Variants in CDH2 observed in about 807,000 individuals in gnomAD.
CDH2 encodes the protein cadherin 2.
A neutral mutation model predicts 92.0 loss-of-function variants in CDH2; 17 were observed. The ratio of observed to expected loss-of-function variants is 0.18; its 90% CI spans 0.13 to 0.28. The LOEUF is 0.28. CDH2 is among the 10% of genes least tolerant of loss of function. The pLI is 1.00. For synonymous variants in CDH2, 419 were observed against 415.9 expected (o/e 1.01, Z -0.09); for missense variants, 862 against 1,133.1 (o/e 0.76, Z 3.44).
intron 6 of CDH2, among the ~76,000 whole-genome samples, chr18:27,937,663 AGCT>A (rs1174172359): frequency 1.3e-5 from 2 of 152,168 alleles, no homozygotes; most frequent in Non-Finnish European, 2.9e-5. Context: ...AAGGCCTGTG[AGCT>A]GCACAACACA....
intron 2 of CDH2, among the ~76,000 whole-genome samples, chr18:28,040,865 G>A (rs1443755244): frequency 1.3e-5 from 2 of 152,148 alleles, no homozygotes; most frequent in African/African-American, 2.4e-5. Flanking sequence ...TCACTGACTG[G>A]ATGTTTATGC....
intron 2 of CDH2, among the ~76,000 whole-genome samples, chr18:28,094,171 A>G (rs985154708): frequency 6.6e-6 from 1 of 152,204 alleles, no homozygotes; most frequent in Non-Finnish European, 1.5e-5. Flanking sequence ...GAGTTCCTCA[A>G]CTATAAAAAT....
intron 2 of CDH2, among the ~76,000 whole-genome samples, chr18:28,083,941 C>G (rs1352641490): frequency 6.6e-6 from 1 of 152,138 alleles, no homozygotes; most frequent in Non-Finnish European, 1.5e-5. Flanking sequence ...TGAGTTCTAC[C>G]TCTCTCTGAG....
At chr18:28,122,586 C>T (rs182132807) in intron 2 of CDH2, among the ~76,000 whole-genome samples, 195 of 152,210 alleles carry the variant, frequency 1.3e-3, no homozygotes, top group Middle Eastern at 3.4e-3. Flanking sequence ...AAAATTCCTT[C>T]CAAGTCTAGA....
chr18:28,059,645 G>A (rs78760162), intron 2 of CDH2, among the ~76,000 whole-genome samples: 3,805 of 152,292 alleles, frequency 0.025, 75 homozygotes, highest in Non-Finnish European at 0.041. Context: ...CCCAACTCTA[G>A]AATTGTGAAT....
chr18:28,004,897 G>A (rs901192526), intron 6 of CDH2, among the ~76,000 whole-genome samples: 5 of 152,124 alleles, frequency 3.3e-5, no homozygotes, highest in Non-Finnish European at 7.3e-5. Context: ...CCAAGAAAAT[G>A]TATGTGTTTG....
rs147868184 is a variant in CDH2, at chr18:28,153,844, G to A, written c.61-6060C>T. ...TCATCACAGTACTAATACTATTGGG[G>A]CAACACGAATCCAACTCATGGTACA... On this transcript the variant is annotated intron_variant, in intron 1 of 15. Transcript: ENST00000269141. 5.0e-3 allele frequency among the ~76,000 whole-genome samples: 761 copies of A among 152,308 alleles called. 7 individuals carry two copies. The highest frequency in any genetic ancestry group is 0.018 in the African/African-American group (734 of 41,564).
At chr18:27,959,531 T>C (rs1055695612) in intron 15 of CDH2, 7 of 152,214 alleles carry the variant, frequency 4.6e-5, no homozygotes, top group Admixed American at 1.3e-4. Flanking sequence ...TCAACTGTTT[T>C]AAAACTCTAC....
rs573722112 is a variant in CDH2, at chr18:27,993,104, G to T, written c.1159-264C>A. On this transcript the variant is annotated intron_variant, in intron 8 of 15. Coordinates refer to ENST00000269141, the MANE Select transcript of CDH2 (RefSeq NM_001792.5). ...AGCATCCATTTGTGAGTCTCTGGGT[G>T]ATTATGGTGGGGTGGGGGAAAGAAC... Among the ~76,000 whole-genome samples the T allele has an allele frequency of 2.0e-5, 3 of 152,276 alleles. No homozygotes were observed. The East Asian group carries it at 5.8e-4, about 29-fold the overall frequency.
intron 2 of CDH2, among the ~76,000 whole-genome samples, chr18:28,107,592 G>A (rs928401686): frequency 2.6e-5 from 4 of 152,018 alleles, no homozygotes; most frequent in African/African-American, 9.7e-5. Flanking sequence ...TTACAAGTAG[G>A]ACTTATTCTC....
In CDH2 at chr18:28,004,245, C is replaced by T. The variant is rs151096359; in HGVS notation, c.848-1076G>A. Among the ~76,000 whole-genome samples, 86 of 152,332 alleles carry T rather than the reference C, an allele frequency of 5.6e-4. 2 individuals carry two copies. In the East Asian group the frequency reaches 0.014, roughly 25 times the overall value. ...CAACAGGGCAGGAACTAGCTTGTCA[C>T]CACTGTATCCACAGTGTCAGAACAA... On this transcript the variant is annotated intron_variant, in intron 6 of 15. Transcript: ENST00000269141.
intron 5 of CDH2, among the ~76,000 whole-genome samples, chr18:28,007,141 C>G (rs2012948331): frequency 8.3e-6 from 1 of 121,006 alleles, no homozygotes; most frequent in African/African-American, 3.4e-5. Context: ...GCCTGGGCAA[C>G]AGAGTGAGAC....
chr18:27,953,904 C>T, intron 15 of CDH2, among the ~76,000 whole-genome samples: 1 of 151,964 alleles, frequency 6.6e-6, no homozygotes, highest in East Asian at 1.9e-4. Flanking sequence ...AATGTCCTGC[C>T]TTGGGATTTG....
At chr18:28,073,594 A>G (rs1299089452) in intron 2 of CDH2, among the ~76,000 whole-genome samples, 4 of 152,190 alleles carry the variant, frequency 2.6e-5, no homozygotes, top group African/African-American at 9.6e-5. Flanking sequence ...TTAGCTTACT[A>G]AAGGCAGATG....
At chr18:28,061,598 G>A (rs993258611) in intron 2 of CDH2, among the ~76,000 whole-genome samples, 1 of 152,136 alleles carries the variant, frequency 6.6e-6, no homozygotes, top group Non-Finnish European at 1.5e-5. Flanking sequence ...CACAGAGCAC[G>A]ACTCCGTCTC....
chr18:28,051,424 T>C (rs2014188633), intron 2 of CDH2, among the ~76,000 whole-genome samples: 1 of 152,178 alleles, frequency 6.6e-6, no homozygotes. Context: ...CTCTACAGTC[T>C]GTAATACTAG....
intron 6 of CDH2, among the ~76,000 whole-genome samples, chr18:27,941,452 C>T (rs1314769007): frequency 6.6e-6 from 1 of 152,164 alleles, no homozygotes; most frequent in Non-Finnish European, 1.5e-5. Context: ...TCAATGGTCT[C>T]ATTTCACATT....
intron 2 of CDH2, among the ~76,000 whole-genome samples, chr18:28,103,606 C>T (rs974881339): frequency 6.6e-6 from 1 of 151,776 alleles, no homozygotes; most frequent in African/African-American, 2.4e-5. Flanking sequence ...CACCCATCAA[C>T]CCGTCATCTA....
intron 2 of CDH2, among the ~76,000 whole-genome samples, chr18:28,096,044 G>A (rs1264123670): frequency 6.6e-6 from 1 of 152,064 alleles, no homozygotes; most frequent in Non-Finnish European, 1.5e-5. Context: ...TCACTGTGAG[G>A]GTGATTCAGA....
Sources: gnomAD v4.1 joint callset for allele counts (sites outside exome capture counted in the v4.1 genomes callset) on GRCh38, gnomAD v4.1.1 for gene constraint, MANE v1.5 for transcripts, NCBI Gene and HGNC (gene_info 2026-07-23, HGNC 2026-07-21) for gene names.